LRRC37A2: variants seen among roughly 807,000 people sequenced by gnomAD.
LRRC37A2 encodes the protein leucine rich repeat containing 37 member A2, also known as leucine-rich repeat-containing protein 37A2.
Under a neutral mutation model 68.8 loss-of-function variants are expected in LRRC37A2, and 9 were observed. The ratio of observed to expected loss-of-function variants is 0.13; its 90% CI spans 0.08 to 0.23. The LOEUF (loss-of-function observed/expected upper bound fraction) is 0.23. Among genes scored for constraint, LRRC37A2 ranks in the 10% least tolerant of loss-of-function variants. The probability of loss-of-function intolerance (pLI) is 1.00; values close to 1 mark genes in which losing one functional copy is unlikely to be tolerated. For missense variants in LRRC37A2, 168 were observed against 950.4 expected (o/e 0.18, Z 10.82); for synonymous variants, 63 against 367.6 (o/e 0.17, Z 9.48).
the LRRC37A2 span, among the ~76,000 whole-genome samples, chr17:46,724,063 G>T: frequency 8.2e-4 from 124 of 152,024 alleles, no homozygotes; most frequent in African/African-American, 3.0e-3. Context: ...AATTCTTATT[G>T]ACCGTTCCTG....
the LRRC37A2 span, among the ~76,000 whole-genome samples, chr17:46,862,763 T>C: frequency 6.6e-6 from 1 of 152,230 alleles, no homozygotes; most frequent in Admixed American, 6.5e-5. Flanking sequence ...TTTGTATCTT[T>C]AGTAGAGATG....
At chr17:46,770,273 G>A in the LRRC37A2 span, among the ~76,000 whole-genome samples, 9 of 152,234 alleles carry the variant, frequency 5.9e-5, no homozygotes, top group African/African-American at 2.2e-4. Flanking sequence ...CTGGGCTGCT[G>A]ATTAGCTCAG....
the LRRC37A2 span, among the ~76,000 whole-genome samples, chr17:46,598,898 C>A: frequency 6.9e-6 from 1 of 144,376 alleles, no homozygotes; most frequent in African/African-American, 2.6e-5. Context: ...CAAAGTATAT[C>A]AACTTTCTGC....
At chr17:46,768,516 C>T in the LRRC37A2 span, 3 of 1,614,168 alleles carry the variant, frequency 1.9e-6, no homozygotes, top group Non-Finnish European at 2.5e-6. This position sits in a 1 kb window ranked among gnomAD's most constrained non-coding sequence, Gnocchi z 5.0. Context: ...GCCAAAGGAA[C>T]CCGTCTCTGG....
At chr17:46,787,708 C>T in the LRRC37A2 span, among the ~76,000 whole-genome samples, 1 of 152,222 alleles carries the variant, frequency 6.6e-6, no homozygotes, top group African/African-American at 2.4e-5. Context: ...ATTCCCGGCA[C>T]TTTGGGAGGC....
the LRRC37A2 span, chr17:46,978,403 T>A: frequency 2.3e-6 from 1 of 429,620 alleles, no homozygotes; most frequent in African/African-American, 2.3e-5. Flanking sequence ...CAAAAAAAAC[T>A]GGTAAGAACC....
At chr17:46,987,104 G>A in the LRRC37A2 span, among the ~76,000 whole-genome samples, 14 of 152,138 alleles carry the variant, frequency 9.2e-5, no homozygotes, top group East Asian at 9.6e-4. Context: ...TTAGCCAAGC[G>A]TGGTGGTGCA....
chr17:46,709,373 A>C, the LRRC37A2 span, among the ~76,000 whole-genome samples: 1 of 152,140 alleles, frequency 6.6e-6, no homozygotes, highest in Non-Finnish European at 1.5e-5. Context: ...ATATGTAAGG[A>C]AGATATACAC....
the LRRC37A2 span, among the ~76,000 whole-genome samples, chr17:47,013,774 G>T: frequency 2.0e-5 from 3 of 152,356 alleles, no homozygotes; most frequent in East Asian, 5.8e-4. Flanking sequence ...ACCCAGTGAA[G>T]AGATTGTAAA....
the LRRC37A2 span, among the ~76,000 whole-genome samples, chr17:46,907,728 T>G: frequency 6.8e-6 from 1 of 146,776 alleles, no homozygotes; most frequent in African/African-American, 2.5e-5. Context: ...GGTGTGTGCC[T>G]GTGGTCCCAG....
At chr17:46,545,923 C>T (rs1299912989) in intron 8 of LRRC37A2, among the ~76,000 whole-genome samples, 1 of 148,834 alleles carries the variant, frequency 6.7e-6, no homozygotes, top group Non-Finnish European at 1.5e-5. Flanking sequence ...CTTATTCAGA[C>T]TTCTTAAAAG....
chr17:47,026,614 C>T, the LRRC37A2 span, among the ~76,000 whole-genome samples: 1,092 of 152,238 alleles, frequency 7.2e-3, 4 homozygotes, highest in Middle Eastern at 0.017. Flanking sequence ...ATGGAGACAT[C>T]AGCCAGACAA....
At chr17:46,409,704 A>G in the LRRC37A2 span, among the ~76,000 whole-genome samples, 2 of 127,912 alleles carry the variant, frequency 1.6e-5, no homozygotes, top group Non-Finnish European at 3.4e-5. Context: ...GCGTCAAGTT[A>G]TTTTAATGTT....
At chr17:46,471,221 AAAG>A in the LRRC37A2 span, among the ~76,000 whole-genome samples, 2 of 80,850 alleles carry the variant, frequency 2.5e-5, 1 homozygote, top group Admixed American at 2.4e-4. Context: ...AAATTTAAGA[AAAG>A]AAAATATGTG....
the LRRC37A2 span, among the ~76,000 whole-genome samples, chr17:46,712,569 T>C: frequency 3.9e-5 from 6 of 152,140 alleles, no homozygotes; most frequent in African/African-American, 1.4e-4. Flanking sequence ...AATTCAAGGG[T>C]CATATAGGAG....
At chr17:47,025,334 A>C in the LRRC37A2 span, among the ~76,000 whole-genome samples, 1 of 152,212 alleles carries the variant, frequency 6.6e-6, no homozygotes. Flanking sequence ...ATTCATTTGA[A>C]CATCATTATT....
the LRRC37A2 span, chr17:46,721,798 T>G: frequency 3.1e-6 from 5 of 1,602,072 alleles, no homozygotes; most frequent in Non-Finnish European, 4.3e-6. Flanking sequence ...CGTGCACAGC[T>G]GTCAGAGTAC....
the LRRC37A2 span, among the ~76,000 whole-genome samples, chr17:46,783,715 C>T: frequency 6.6e-6 from 1 of 152,150 alleles, no homozygotes; most frequent in East Asian, 1.9e-4. Flanking sequence ...GGAGCAGCTA[C>T]CGAGCTGGAG....
the LRRC37A2 span, among the ~76,000 whole-genome samples, chr17:46,609,779 A>G: frequency 1.6e-4 from 23 of 142,994 alleles, no homozygotes; most frequent in South Asian, 4.6e-3. Flanking sequence ...AGCATTGAAG[A>G]TGTGCAGTTT....
Sources: allele counts gnomAD v4.1 joint callset (sites outside exome capture counted in the v4.1 genomes callset), GRCh38; gene constraint gnomAD v4.1.1; non-coding constraint Gnocchi (gnomAD v3.1); transcripts MANE v1.5; gene names NCBI Gene and HGNC (gene_info 2026-07-23, HGNC 2026-07-21).